PCDH11X: variants seen among roughly 807,000 people sequenced by gnomAD.
PCDH11X encodes the protein protocadherin 11 X-linked.
In PCDH11X, 18 loss-of-function variants were observed where a neutral mutation model predicts 53.3. That is an observed-to-expected ratio of 0.34 (90% CI 0.23 to 0.50). PCDH11X has a LOEUF of 0.50. PCDH11X is among the 20% of genes least tolerant of loss of function. The probability of loss-of-function intolerance (pLI) is 0.98; values close to 1 mark genes in which losing one functional copy is unlikely to be tolerated. For synonymous variants in PCDH11X, 279 were observed against 393.3 expected, an observed-to-expected ratio of 0.71 and a Z score of 3.44; for missense variants, 570 against 1,032.4, an observed-to-expected ratio of 0.55 and a Z score of 6.14.
intron 10 of PCDH11X, among the ~76,000 whole-genome samples, chrX:92,570,482 G>T (rs1922071502): frequency 1.8e-5 from 2 of 109,929 alleles, no homozygotes; most frequent in South Asian, 7.8e-4. Flanking sequence ...TGTTACTGAG[G>T]TTGCTCCTTT....
intron 6 of PCDH11X, among the ~76,000 whole-genome samples, chrX:92,174,416 C>T (rs752956756): frequency 1.8e-5 from 2 of 111,268 alleles, no homozygotes; most frequent in South Asian, 7.6e-4. Context: ...GCTAATGATG[C>T]TGATCATAAT....
intron 6 of PCDH11X, among the ~76,000 whole-genome samples, chrX:91,905,808 T>C (rs1218725947): frequency 9.0e-6 from 1 of 111,198 alleles, no homozygotes; most frequent in Non-Finnish European, 1.9e-5. Context: ...AAAAATAAAC[T>C]AAATTGTGCC....
intron 5 of PCDH11X, among the ~76,000 whole-genome samples, chrX:91,868,573 G>A (rs1314843000): frequency 9.0e-6 from 1 of 111,598 alleles, no homozygotes; most frequent in Non-Finnish European, 1.9e-5. Context: ...ACCTTCATAT[G>A]ATCTTAAATT....
intron 6 of PCDH11X, among the ~76,000 whole-genome samples, chrX:91,969,743 G>T (rs2061921981): frequency 9.4e-6 from 1 of 105,943 alleles, no homozygotes; most frequent in African/African-American, 3.5e-5. Context: ...GCTGCAGTGA[G>T]CAGTGACTGT....
intron 8 of PCDH11X, among the ~76,000 whole-genome samples, chrX:92,351,622 T>C (rs955159944): frequency 3.6e-5 from 4 of 111,840 alleles, no homozygotes; most frequent in African/African-American, 1.3e-4. Flanking sequence ...CACAGTTAAA[T>C]AAACATGTAA....
At chrX:92,290,431 C>A (rs751885984) in intron 8 of PCDH11X, among the ~76,000 whole-genome samples, 92 of 111,750 alleles carry the variant, frequency 8.2e-4, no homozygotes, top group African/African-American at 2.8e-3. Context: ...GGTTCCACTT[C>A]CTAAATAACA....
intron 6 of PCDH11X, among the ~76,000 whole-genome samples, chrX:92,038,053 G>A (rs1408548564): frequency 1.8e-5 from 2 of 110,152 alleles, no homozygotes; most frequent in African/African-American, 6.6e-5. Context: ...GATGTGACTT[G>A]GGTGCTGTTA....
chrX:92,151,351 C>T (rs908908045), intron 6 of PCDH11X, among the ~76,000 whole-genome samples: 34 of 109,513 alleles, frequency 3.1e-4, no homozygotes, highest in African/African-American at 1.1e-3. Context: ...CGCCACCGTG[C>T]CTGGCTAATT....
At chrX:92,008,023 G>A (rs1473853966) in intron 6 of PCDH11X, among the ~76,000 whole-genome samples, 1 of 110,724 alleles carries the variant, frequency 9.0e-6, no homozygotes, top group Non-Finnish European at 1.9e-5. Context: ...TATCCTAGAT[G>A]AAAGACAAAG....
At chrX:91,896,418 C>T (rs1251164124) in intron 6 of PCDH11X, among the ~76,000 whole-genome samples, 6 of 109,813 alleles carry the variant, frequency 5.5e-5, no homozygotes, top group Non-Finnish European at 9.5e-5. Context: ...GCCACCGCAC[C>T]GCACCTGGCC....
At chrX:92,182,362 G>A in intron 6 of PCDH11X, among the ~76,000 whole-genome samples, 1 of 112,092 alleles carries the variant, frequency 8.9e-6, no homozygotes, top group South Asian at 3.7e-4. Flanking sequence ...CTCATAGGTG[G>A]AAGGGACTTG....
rs371400351 is a variant in PCDH11X at position 91,967,359 on chromosome X, C to T, written c.3033+88086C>T. Among the ~76,000 whole-genome samples, 9 of 110,822 alleles carry T rather than the reference C, an allele frequency of 8.1e-5. No individual in the cohort carries two copies. In the South Asian group the frequency reaches 3.5e-3, roughly 44 times the overall value. On this transcript the variant is annotated intron_variant, in intron 6 of 10. Transcript: ENST00000682573. ...GTGAGCAGTGGCAAGCGCGCATTACCGCCTGAACTTCACCTCCTGTCAGAT... is the reference window on the plus strand; with the variant it reads ...GTGAGCAGTGGCAAGCGCGCATTACTGCCTGAACTTCACCTCCTGTCAGAT...
intron 7 of PCDH11X, among the ~76,000 whole-genome samples, chrX:92,216,574 G>A (rs2066719099): frequency 9.6e-6 from 1 of 104,701 alleles, no homozygotes; most frequent in Non-Finnish European, 2.0e-5. Flanking sequence ...ATCTACGTCT[G>A]ATTGGTGTAC....
At chrX:92,567,079 T>C (rs1486368407) in intron 10 of PCDH11X, among the ~76,000 whole-genome samples, 3 of 99,555 alleles carry the variant, frequency 3.0e-5, no homozygotes, top group Non-Finnish European at 6.2e-5. Flanking sequence ...CTTTGTTCTT[T>C]TTGCTTAGGA....
intron 1 of PCDH11X, among the ~76,000 whole-genome samples, chrX:91,787,136 A>G (rs1419616281): frequency 9.5e-6 from 1 of 105,794 alleles, no homozygotes; most frequent in Non-Finnish European, 1.9e-5. Flanking sequence ...ATGACCCATC[A>G]TAATGACAGT....
chrX:92,226,793 C>T (rs1475744684), intron 7 of PCDH11X, among the ~76,000 whole-genome samples: 1 of 110,404 alleles, frequency 9.1e-6, no homozygotes, highest in Non-Finnish European at 1.9e-5. Flanking sequence ...CATCTGGAGG[C>T]TTTCCGTGTA....
chrX:91,904,404 AT>A, intron 6 of PCDH11X, among the ~76,000 whole-genome samples: 1 of 109,934 alleles, frequency 9.1e-6, no homozygotes, highest in Non-Finnish European at 1.9e-5. Flanking sequence ...TGATTGACTG[AT>A]TAATAAGCCA....
At chrX:92,378,456 A>G (rs899576633) in intron 8 of PCDH11X, among the ~76,000 whole-genome samples, 1 of 110,261 alleles carries the variant, frequency 9.1e-6, no homozygotes, top group African/African-American at 3.3e-5. Context: ...TTATAAACAT[A>G]TTTAGAAAAC....
chrX:92,056,883 C>T (rs756722839), intron 6 of PCDH11X, among the ~76,000 whole-genome samples: 42 of 107,436 alleles, frequency 3.9e-4, no homozygotes, highest in Middle Eastern at 5.0e-3. Context: ...TGATGTTTTC[C>T]GTTTCAAGAT....
Sources: gnomAD v4.1 joint callset for allele counts (sites outside exome capture counted in the v4.1 genomes callset) on GRCh38, gnomAD v4.1.1 for gene constraint, MANE v1.5 for transcripts, NCBI Gene and HGNC (gene_info 2026-07-23, HGNC 2026-07-21) for gene names.